The following MBD2 variants were observed in gnomAD, a reference collection of about 807,000 sequenced individuals.
The protein encoded by MBD2 is methyl-CpG-binding domain protein 2.
A neutral mutation model predicts 39.3 loss-of-function variants in MBD2; 9 were observed. The observed-to-expected ratio is 0.23, with a 90% confidence interval of 0.14 to 0.40. MBD2 has a LOEUF of 0.40. Among genes scored for constraint, MBD2 ranks in the 10% least tolerant of loss-of-function variants. The probability of loss-of-function intolerance (pLI) is 1.00; values close to 1 mark genes in which losing one functional copy is unlikely to be tolerated. For missense variants in MBD2, 458 were observed against 532.6 expected (o/e 0.86, Z 1.38); for synonymous variants, 233 against 211.1 (o/e 1.10, Z -0.90).
intron 1 of MBD2, among the ~76,000 whole-genome samples, chr18:54,206,393 T>TA (rs1415649599): frequency 9.9e-5 from 15 of 152,232 alleles, no homozygotes; most frequent in African/African-American, 3.6e-4. Context: ...GTCAGTGTGA[T>TA]ATGTCACAAG....
intron 4 of MBD2, among the ~76,000 whole-genome samples, chr18:54,164,981 C>G (rs1370894681): frequency 1.3e-5 from 2 of 152,288 alleles, no homozygotes; most frequent in East Asian, 3.9e-4. Context: ...TTTAATAATA[C>G]TTTACCAGAA....
intron 5 of MBD2, 134 bp from the exon 6 acceptor site, chr18:54,160,037 A>T: frequency 9.7e-7 from 1 of 1,029,734 alleles, no homozygotes; most frequent in Non-Finnish European, 1.4e-6. Flanking sequence ...AGATTTTTGC[A>T]GAGGTTGCTT....
chr18:54,192,453 G>C (rs1007705805), intron 2 of MBD2, among the ~76,000 whole-genome samples: 1 of 152,004 alleles, frequency 6.6e-6, no homozygotes, highest in African/African-American at 2.4e-5. Context: ...GCATGGTCTC[G>C]ATCTCTTGAC....
chr18:54,213,660 G>A (rs2086530133), intron 1 of MBD2, among the ~76,000 whole-genome samples: 1 of 152,196 alleles, frequency 6.6e-6, no homozygotes, highest in Non-Finnish European at 1.5e-5. Context: ...GACACTGTCA[G>A]AAATTAAGTA....
At position 54,155,217 on chromosome 18, in the gene MBD2, C is replaced by G. The variant is rs1325747266; in HGVS notation, c.*107G>C. ...GTGCTATTAAAAAGCTCTATGTGCT[C>G]GGGTACATTTTTTTTCTTACAGGCA... On this transcript the variant is annotated 3_prime_UTR_variant, in exon 7 of 7. Coordinates refer to ENST00000256429, the MANE Select transcript of MBD2 (RefSeq NM_003927.5). The G allele has an allele frequency of 6.6e-6, 1 of 151,464 alleles. No individual in the cohort carries two copies. Among genetic ancestry groups the G allele is most frequent in the Non-Finnish European group, 1.5e-5 (1 of 67,928 alleles). The allele number at this position is 151,464 out of a possible 1,614,324, so 9.4% of individuals were successfully genotyped here. A position where few individuals can be genotyped will look rare whatever the true frequency, so the allele number is the denominator to read the frequency against.
intron 5 of MBD2, among the ~76,000 whole-genome samples, chr18:54,161,302 T>C (rs2086096355): frequency 6.6e-6 from 1 of 152,178 alleles, no homozygotes; most frequent in South Asian, 2.1e-4. Context: ...TTAAATGAAT[T>C]TTCAAAAAGA....
At position 54,224,104 on chromosome 18, in the gene MBD2, G is replaced by A. The variant is rs751392566; in HGVS notation, c.456C>T (p.Cys152=). Residue 152 remains cysteine, a synonymous_variant, in exon 1 of 7, where the codon TGC becomes TGT. Transcript: ENST00000256429. The part of the protein sequence containing the change: ...RATESGKRMD[C]PALPPGWKKE... ...TCTTCCATCCGGGGGGGAGGGCCGGGCAATCCATCCTCTTCCCGCTCTCCG... is the reference window on the plus strand; with the variant it reads ...TCTTCCATCCGGGGGGGAGGGCCGGACAATCCATCCTCTTCCCGCTCTCCG... 49 of 1,588,866 alleles carry A rather than the reference G, an allele frequency of 3.1e-5. No homozygotes were observed. The highest frequency in any genetic ancestry group is 3.7e-5 in the Non-Finnish European group (43 of 1,172,232).
intron 3 of MBD2, among the ~76,000 whole-genome samples, chr18:54,176,545 GTCACTCTCAAAAGGCTAAA>G (rs1366119677): frequency 1.3e-5 from 2 of 152,162 alleles, no homozygotes; most frequent in Non-Finnish European, 2.9e-5. Context: ...GTACTTTCTA[GTCACTCTCAAAAGGCTAAA>G]TATACAAGAC....
intron 1 of MBD2, among the ~76,000 whole-genome samples, chr18:54,221,829 T>C (rs2086615788): frequency 6.6e-6 from 1 of 152,208 alleles, no homozygotes; most frequent in African/African-American, 2.4e-5. Context: ...AAATGTTAAG[T>C]GGCCACAAAT....
chr18:54,195,264 G>A (rs2144318137), intron 2 of MBD2, among the ~76,000 whole-genome samples: 1 of 152,066 alleles, frequency 6.6e-6, no homozygotes, highest in South Asian at 2.1e-4. Flanking sequence ...AAAGTGATAT[G>A]ACAGTTCAAA....
chr18:54,191,766 C>G (rs1264674172), intron 2 of MBD2, among the ~76,000 whole-genome samples: 1 of 152,232 alleles, frequency 6.6e-6, no homozygotes, highest in Non-Finnish European at 1.5e-5. Context: ...CCACACAACA[C>G]AGCCCTCCTG....
chr18:54,175,983 C>A (rs139093055), intron 3 of MBD2, among the ~76,000 whole-genome samples: 14 of 151,978 alleles, frequency 9.2e-5, no homozygotes, highest in African/African-American at 2.9e-4. Flanking sequence ...AATTTAAATG[C>A]GTAAGATATG....
chr18:54,224,220 C>G lies in MBD2; in HGVS notation c.340G>C (p.Gly114Arg). 9.1e-7 allele frequency: 1 copy of G among 1,102,710 alleles called. No homozygotes were observed. Among genetic ancestry groups the G allele is most frequent in the East Asian group, 4.9e-5 (1 of 20,520 alleles). 68.3% of individuals were successfully genotyped at this position (1,102,710 alleles called of 1,614,324 possible). A position where few individuals can be genotyped will look rare whatever the true frequency, so the allele number is the denominator to read the frequency against. Residue 114 changes from glycine to arginine, a missense_variant, in exon 1 of 7, where the codon GGC becomes CGC. By Grantham distance (125) the Gly-to-Arg change is moderately radical. Transcript: ENST00000256429. ...LGGDGGGCGG[G>R]GSGGGGAPRR... is the part of the protein sequence containing the mutation. Reference sequence around the variant, plus strand: ...GGGGCGCCGCCGCCACCGCTGCCGCCGCCGCCGCAGCCGCCGCCGTCGCCG... The same window carrying G: ...GGGGCGCCGCCGCCACCGCTGCCGCGGCCGCCGCAGCCGCCGCCGTCGCCG...
At position 54,166,191 on chromosome 18, in the gene MBD2, A is replaced by G. The variant is rs766708004; in HGVS notation, c.841-25T>C. 4.2e-6 allele frequency: 6 copies of G among 1,418,836 alleles called. No homozygotes were observed. The South Asian group carries it at 7.1e-5, about 17-fold the overall frequency. The allele number at this position is 1,418,836 out of a possible 1,614,324, so 87.9% of individuals were successfully genotyped here. A position where few individuals can be genotyped will look rare whatever the true frequency, so the allele number is the denominator to read the frequency against. ...GCTGTAAGGCAAAATATCACTGTTA[A>G]TAGATACATTTTTGAAACAAGAAAG... On this transcript the variant is annotated intron_variant, in intron 3 of 6. Coordinates refer to ENST00000256429, the MANE Select transcript of MBD2 (RefSeq NM_003927.5).
chr18:54,193,527 A>C (rs1481263230), intron 2 of MBD2, among the ~76,000 whole-genome samples: 2 of 152,114 alleles, frequency 1.3e-5, no homozygotes, highest in Non-Finnish European at 2.9e-5. Context: ...GAGGAACATA[A>C]AAATAAATCT....
chr18:54,158,460 A>G (rs1274365426), intron 6 of MBD2, among the ~76,000 whole-genome samples: 1 of 152,136 alleles, frequency 6.6e-6, no homozygotes, highest in Non-Finnish European at 1.5e-5. Flanking sequence ...TTGGGGTGCC[A>G]AAAAGGAAGA....
intron 1 of MBD2, among the ~76,000 whole-genome samples, chr18:54,209,297 C>CAAAAAAA (rs34165824): frequency 1.5e-5 from 1 of 67,600 alleles, no homozygotes; most frequent in African/African-American, 7.2e-5. Flanking sequence ...ACTCCATCTC[C>CAAAAAAA]AAAAAAAAAA....
intron 2 of MBD2, among the ~76,000 whole-genome samples, chr18:54,200,095 T>C (rs902502550): frequency 1.3e-5 from 2 of 152,126 alleles, no homozygotes; most frequent in Admixed American, 6.5e-5. Context: ...TCATGAGAAA[T>C]AAATAATGGC....
At chr18:54,157,660 G>T (rs1024078122) in intron 6 of MBD2, among the ~76,000 whole-genome samples, 1 of 152,238 alleles carries the variant, frequency 6.6e-6, no homozygotes, top group East Asian at 1.9e-4. Flanking sequence ...TTGGATTTTG[G>T]TCTTGCTGTG....
Sources: allele counts gnomAD v4.1 joint callset (sites outside exome capture counted in the v4.1 genomes callset), GRCh38; gene constraint gnomAD v4.1.1; transcripts MANE v1.5; gene names NCBI Gene and HGNC (gene_info 2026-07-23, HGNC 2026-07-21).